WDR7: variants seen among roughly 807,000 people sequenced by gnomAD.
The protein encoded by WDR7 is WD repeat domain 7, also known as WD repeat-containing protein 7.
In WDR7, 46 loss-of-function variants were observed where a neutral mutation model predicts 169.4. The observed-to-expected ratio is 0.27, with a 90% confidence interval of 0.21 to 0.35. WDR7 has a LOEUF of 0.35. Ranked by LOEUF, WDR7 falls within the 10% of genes least tolerant of loss-of-function variation. The probability of loss-of-function intolerance (pLI) is 1.00; values close to 1 mark genes in which losing one functional copy is unlikely to be tolerated. For missense variants in WDR7, 1,534 were observed against 1,859.3 expected (o/e 0.83, Z 3.22); for synonymous variants, 612 against 666.8 (o/e 0.92, Z 1.27).
intron 26 of WDR7, among the ~76,000 whole-genome samples, chr18:57,002,149 G>T (rs2047990801): frequency 6.6e-6 from 1 of 152,052 alleles, no homozygotes. Flanking sequence ...TTGAGCTTCA[G>T]CATTTTGTGA....
At chr18:56,663,527 TAA>T (rs910740511) in intron 1 of WDR7, among the ~76,000 whole-genome samples, 1 of 152,118 alleles carries the variant, frequency 6.6e-6, no homozygotes, top group Admixed American at 6.5e-5. Flanking sequence ...ATGGTATGTA[TAA>T]GTTACTTTCA....
intron 20 of WDR7, among the ~76,000 whole-genome samples, chr18:56,829,988 A>G (rs2045280802): frequency 6.6e-6 from 1 of 152,210 alleles, no homozygotes; most frequent in Non-Finnish European, 1.5e-5. Flanking sequence ...ATGTCCAACA[A>G]GTCTTTGTTT....
At chr18:56,747,590 T>A (rs757765609) in intron 14 of WDR7, among the ~76,000 whole-genome samples, 1 of 152,270 alleles carries the variant, frequency 6.6e-6, no homozygotes, top group South Asian at 2.1e-4. Flanking sequence ...AGCCTTTTAC[T>A]ACCTAAGGTA....
intron 21 of WDR7, among the ~76,000 whole-genome samples, chr18:56,884,549 T>C (rs751868184): frequency 1.3e-5 from 2 of 152,186 alleles, no homozygotes; most frequent in Non-Finnish European, 2.9e-5. Flanking sequence ...GCATTTGCTT[T>C]TGGGTTCTTG....
At chr18:56,674,978 C>T (rs1013430674) in intron 2 of WDR7, among the ~76,000 whole-genome samples, 8 of 152,104 alleles carry the variant, frequency 5.3e-5, no homozygotes, top group African/African-American at 1.9e-4. Context: ...ATCAATTGAC[C>T]ATAAATGTCA....
intron 19 of WDR7, among the ~76,000 whole-genome samples, chr18:56,793,167 C>G (rs769856797): frequency 1.5e-4 from 23 of 152,194 alleles, no homozygotes; most frequent in Non-Finnish European, 2.5e-4. Flanking sequence ...CCATACCACC[C>G]TGAATGCGCC....
At chr18:56,997,752 C>T (rs2145876681) in intron 26 of WDR7, among the ~76,000 whole-genome samples, 1 of 152,106 alleles carries the variant, frequency 6.6e-6, no homozygotes, top group African/African-American at 2.4e-5. Context: ...GAATAAATTA[C>T]TTAGAGTATA....
chr18:56,879,906 AT>A (rs1258561108), intron 20 of WDR7, 37 bp from the exon 21 acceptor site: 44 of 1,513,224 alleles, frequency 2.9e-5, no homozygotes, highest in African/African-American at 4.2e-5. Context: ...TTGTATATTG[AT>A]TTGTTCTAAG....
At chr18:56,885,279 A>G (rs1472691010) in intron 21 of WDR7, among the ~76,000 whole-genome samples, 1 of 152,190 alleles carries the variant, frequency 6.6e-6, no homozygotes, top group Non-Finnish European at 1.5e-5. Flanking sequence ...ATCCAAACCA[A>G]GAATAAATTT....
At chr18:56,925,384 C>G (rs570080461) in intron 22 of WDR7, among the ~76,000 whole-genome samples, 60 of 152,306 alleles carry the variant, frequency 3.9e-4, no homozygotes, top group African/African-American at 1.3e-3. Context: ...GTTCCATTTT[C>G]TCTACAGCCT....
In WDR7 at chr18:56,725,848, G is replaced by A. The variant is rs559612933; in HGVS notation, c.1775-5535G>A. Among the ~76,000 whole-genome samples, 4 of 152,232 alleles carry A rather than the reference G, an allele frequency of 2.6e-5. No homozygotes were observed. The East Asian group carries it at 7.7e-4, about 29-fold the overall frequency. ...ATTTTTGTATAAGGTATAAGGAAGG[G>A]ATCCAGTTTCAGCTTTCTACATATG... On this transcript the variant is annotated intron_variant, in intron 13 of 27. Coordinates refer to ENST00000254442, the MANE Select transcript of WDR7 (RefSeq NM_015285.3).
chr18:56,951,293 T>G (rs1223303203), intron 25 of WDR7, among the ~76,000 whole-genome samples: 1 of 152,194 alleles, frequency 6.6e-6, no homozygotes, highest in East Asian at 1.9e-4. Flanking sequence ...CAACCTTAAC[T>G]GTTGAATGAT....
chr18:56,720,454 T>A (rs751771958), intron 13 of WDR7, among the ~76,000 whole-genome samples: 12 of 150,994 alleles, frequency 7.9e-5, no homozygotes, highest in Non-Finnish European at 1.8e-4. Flanking sequence ...GTCTTAAAAA[T>A]AAACAAACAA....
chr18:56,754,283 GTGTA>G lies in WDR7; in HGVS notation c.1990-2298_1990-2295del, dbSNP rs879916222. Among the ~76,000 whole-genome samples the G allele has an allele frequency of 6.7e-3, 908 of 135,346 alleles. 9 individuals are homozygous for G. Among genetic ancestry groups the G allele is most frequent in the African/African-American group, 0.02 (705 of 34,640 alleles). The allele number at this position is 135,346 out of a possible 152,430, so 88.8% of individuals were successfully genotyped here. A position where few individuals can be genotyped will look rare whatever the true frequency, so the allele number is the denominator to read the frequency against. ...TGTGTGTGTGTGTGTGTGTGTGTGT[GTGTA>G]TATGTGTGTGTGTGTATGTATATAC... On this transcript the variant is annotated intron_variant, in intron 14 of 27. Transcript: ENST00000254442.
chr18:56,957,863 A>C (rs1483679042), intron 25 of WDR7, among the ~76,000 whole-genome samples: 1 of 152,152 alleles, frequency 6.6e-6, no homozygotes, highest in Non-Finnish European at 1.5e-5. Context: ...AGTGATATAC[A>C]GCAGTAACTT....
chr18:56,695,834 A>G (rs1238570985), intron 11 of WDR7, among the ~76,000 whole-genome samples: 1 of 152,200 alleles, frequency 6.6e-6, no homozygotes, highest in African/African-American at 2.4e-5. Context: ...TATATATATA[A>G]CCATACCTGT....
intron 16 of WDR7, among the ~76,000 whole-genome samples, chr18:56,761,897 C>G (rs191485880): frequency 6.6e-6 from 1 of 152,002 alleles, no homozygotes; most frequent in African/African-American, 2.4e-5. Flanking sequence ...CTGGGGATTC[C>G]TTTGAATGTC....
chr18:56,662,375 A>G (rs1392799934), intron 1 of WDR7, among the ~76,000 whole-genome samples: 4 of 152,240 alleles, frequency 2.6e-5, no homozygotes, highest in Non-Finnish European at 5.9e-5. Flanking sequence ...TTTAGAAATC[A>G]TGTGTGCTAC....
chr18:57,004,393 A>G (rs2048026396), intron 26 of WDR7, among the ~76,000 whole-genome samples: 1 of 152,142 alleles, frequency 6.6e-6, no homozygotes. Context: ...TTTTCCCCAT[A>G]GAAACTATTA....
Sources: gnomAD v4.1 joint callset for allele counts (sites outside exome capture counted in the v4.1 genomes callset) on GRCh38, gnomAD v4.1.1 for gene constraint, MANE v1.5 for transcripts, NCBI Gene and HGNC (gene_info 2026-07-23, HGNC 2026-07-21) for gene names.